CRIM1: variants seen among roughly 807,000 people sequenced by gnomAD.
The protein encoded by CRIM1 is cysteine rich transmembrane BMP regulator 1, also known as cysteine-rich motor neuron 1 protein.
CRIM1 carries 32 observed loss-of-function variants against 116.4 expected under a neutral mutation model. The observed-to-expected ratio is 0.27, with a 90% CI of 0.21 to 0.37. The LOEUF is 0.37. Ranked by LOEUF, CRIM1 falls within the 10% of genes least tolerant of loss-of-function variation. The pLI, the probability that CRIM1 is intolerant of heterozygous loss-of-function variation, is 1.00. For missense variants in CRIM1, 1,331 were observed against 1,354.8 expected (o/e 0.98, Z 0.28); for synonymous variants, 590 against 509.2 (o/e 1.16, Z -2.13).
chr2:36,528,771 T>C (rs1665923602), intron 13 of CRIM1, among the ~76,000 whole-genome samples: 1 of 152,236 alleles, frequency 6.6e-6, no homozygotes, highest in South Asian at 2.1e-4. Context: ...TTAGAGAGTA[T>C]AAAAATGAAA....
intron 8 of CRIM1, among the ~76,000 whole-genome samples, chr2:36,506,162 C>CTG (rs1285422448): frequency 1.8e-4 from 14 of 79,652 alleles, no homozygotes; most frequent in Non-Finnish European, 3.5e-4. Flanking sequence ...CACACACTCT[C>CTG]TCTCTCTCTC....
chr2:36,525,839 A>C (rs1665722725), intron 13 of CRIM1, among the ~76,000 whole-genome samples: 1 of 152,176 alleles, frequency 6.6e-6, no homozygotes, highest in South Asian at 2.1e-4. Context: ...TATGCATGTG[A>C]AGTATCCTTT....
At chr2:36,464,160 G>A (rs969837356) in intron 4 of CRIM1, among the ~76,000 whole-genome samples, 3 of 152,204 alleles carry the variant, frequency 2.0e-5, no homozygotes, top group African/African-American at 2.4e-5. Flanking sequence ...GTATTAGCCT[G>A]TGCAAGCATC....
intron 2 of CRIM1, among the ~76,000 whole-genome samples, chr2:36,437,502 A>G (rs946695176): frequency 6.6e-6 from 1 of 152,248 alleles, no homozygotes; most frequent in African/African-American, 2.4e-5. Flanking sequence ...TAGGAAGTCA[A>G]ATTCAACAGG....
chr2:36,394,370 G>T (rs1463277134), intron 1 of CRIM1, among the ~76,000 whole-genome samples: 1 of 152,110 alleles, frequency 6.6e-6, no homozygotes, highest in African/African-American at 2.4e-5. Context: ...TAAAATGCTA[G>T]TACTACTGGC....
At position 36,517,353 on chromosome 2, in the gene CRIM1, C is replaced by G. The variant is rs1665094470; in HGVS notation, c.2017C>G (p.Leu673Val). ...TGACTTTGTGGTGCAGAAGCCAGAG[C>G]TCAGTACTCCCTCCATTTGCCACGC... ...ADDFVVQKPE[L>V]STPSICHAPG... The change falls in exon 12 of 17, where the codon CTC (leucine) becomes GTC (valine). Residue 673 changes from leucine (L) to valine (V), a missense_variant. Around this residue, in one of 3 missense-constraint regions of CRIM1, gnomAD observed 358 missense variants for 436.1 expected, o/e 0.82. Coordinates refer to ENST00000280527, the MANE Select transcript of CRIM1 (RefSeq NM_016441.3). 6.2e-7 allele frequency: 1 copy of G among 1,614,072 alleles called. No individual in the cohort carries two copies. The highest frequency in any genetic ancestry group is 8.5e-7 in the Non-Finnish European group (1 of 1,180,030).
chr2:36,361,279 C>T (rs1169506600), intron 1 of CRIM1, among the ~76,000 whole-genome samples: 1 of 152,136 alleles, frequency 6.6e-6, no homozygotes, highest in African/African-American at 2.4e-5. Flanking sequence ...AGGAAAATCT[C>T]CAAGCAAGAG....
chr2:36,521,610 G>T (rs950024450), intron 12 of CRIM1, among the ~76,000 whole-genome samples: 2 of 152,194 alleles, frequency 1.3e-5, no homozygotes, highest in African/African-American at 2.4e-5. Context: ...CTCCTATCAA[G>T]GCAGGAATAA....
intron 2 of CRIM1, among the ~76,000 whole-genome samples, chr2:36,407,703 CAAAAAAA>C (rs10719018): frequency 3.0e-5 from 3 of 99,706 alleles, no homozygotes; most frequent in Non-Finnish European, 4.6e-5. Context: ...TTGTGCCCGT[CAAAAAAA>C]AAAAAAAAAA....
At chr2:36,377,433 G>A (rs1237790783) in intron 1 of CRIM1, among the ~76,000 whole-genome samples, 1 of 152,184 alleles carries the variant, frequency 6.6e-6, no homozygotes, top group African/African-American at 2.4e-5. Flanking sequence ...ACAAAATCGT[G>A]CACTAGTGGG....
At position 36,362,904 on chromosome 2, in the gene CRIM1, T is replaced by G. The variant is rs565283352; in HGVS notation, c.331+6281T>G. ...ACATGTTGGTGGAAAAGTGTAATGT[T>G]CAAGAACTTGGGGCCGGCCGTGGTG... On this transcript the variant is annotated intron_variant, in intron 1 of 16. Transcript: ENST00000280527. 1.4e-4 allele frequency among the ~76,000 whole-genome samples: 22 copies of G among 152,210 alleles called. No homozygotes were observed. In the South Asian group the frequency reaches 4.1e-3, roughly 29 times the overall value.
At chr2:36,401,499 A>G (rs3770933) in intron 2 of CRIM1, among the ~76,000 whole-genome samples, 27,292 of 152,150 alleles carry the variant, frequency 0.18, 2,525 homozygotes, top group Admixed American at 0.25. Flanking sequence ...ACAAAAGTTA[A>G]ATTAGTGCAC....
chr2:36,454,878 G>T (rs1677018309), intron 4 of CRIM1, among the ~76,000 whole-genome samples: 1 of 152,126 alleles, frequency 6.6e-6, no homozygotes, highest in Non-Finnish European at 1.5e-5. Context: ...CCATCTCTGG[G>T]ATTAAGTAAG....
At chr2:36,544,648 A>C (rs888280142) in intron 15 of CRIM1, 150 bp downstream of exon 15, 1 of 806,126 alleles carries the variant, frequency 1.2e-6, no homozygotes, top group African/African-American at 1.8e-5. Context: ...GCTTGGCTGA[A>C]ACATATTTAC....
At chr2:36,537,954 A>C (rs1666669197) in intron 14 of CRIM1, among the ~76,000 whole-genome samples, 1 of 152,224 alleles carries the variant, frequency 6.6e-6, no homozygotes. Context: ...ACCAAAGTGG[A>C]AGACCTGCAT....
intron 15 of CRIM1, among the ~76,000 whole-genome samples, chr2:36,545,645 T>C (rs1159085869): frequency 6.6e-6 from 1 of 152,174 alleles, no homozygotes; most frequent in Non-Finnish European, 1.5e-5. Context: ...GCTACAAAGC[T>C]CAAAGCTAAC....
At chr2:36,375,246 C>T (rs1670238099) in intron 1 of CRIM1, among the ~76,000 whole-genome samples, 1 of 151,696 alleles carries the variant, frequency 6.6e-6, no homozygotes, top group Non-Finnish European at 1.5e-5. Flanking sequence ...AAGGGACCTA[C>T]AAAATTCGAA....
intron 7 of CRIM1, 88 bp from the exon 8 acceptor site, chr2:36,499,131 C>T: frequency 1.0e-6 from 1 of 985,412 alleles, no homozygotes; most frequent in Non-Finnish European, 1.6e-6. Flanking sequence ...ATTTTTGTAA[C>T]ATTATGGTGT....
chr2:36,356,929 C>T lies in CRIM1; in HGVS notation c.331+306C>T, dbSNP rs1236820549. 6.6e-6 allele frequency among the ~76,000 whole-genome samples: 1 copy of T among 152,096 alleles called. No homozygotes were observed. Among genetic ancestry groups the T allele is most frequent in the Non-Finnish European group, 1.5e-5 (1 of 68,002 alleles). On this transcript the variant is annotated intron_variant, in intron 1 of 16. Coordinates refer to ENST00000280527, the MANE Select transcript of CRIM1 (RefSeq NM_016441.3). The surrounding 1 kb of genome is among the most constrained non-coding windows in gnomAD (Gnocchi z 4.3). ...TTCCTGCTGGGACTGGGTGGCCCGG[C>T]CTTGCTCCCCGAGGTGGGGGCGCCG...
Sources: gnomAD v4.1 joint callset for allele counts (sites outside exome capture counted in the v4.1 genomes callset) on GRCh38, gnomAD v4.1.1 for gene constraint, gnomAD v4.1.1 regional missense constraint, Gnocchi (gnomAD v3.1) non-coding constraint, MANE v1.5 for transcripts, NCBI Gene and HGNC (gene_info 2026-07-23, HGNC 2026-07-21) for gene names.